Variants in NAV1 observed in about 807,000 individuals in gnomAD.
NAV1 encodes the protein pore membrane and/or filament interacting like protein 3.
A neutral mutation model predicts 175.2 loss-of-function variants in NAV1; 18 were observed. The ratio of observed to expected loss-of-function variants is 0.10; its 90% CI spans 0.07 to 0.15. The LOEUF is 0.15. NAV1 is among the 10% of genes least tolerant of loss of function. The pLI is 1.00. For missense variants in NAV1, 1,731 were observed against 2,436.6 expected, an observed-to-expected ratio of 0.71 and a Z score of 6.10; for synonymous variants, 897 against 978.7, an observed-to-expected ratio of 0.92 and a Z score of 1.56.
chr1:201,820,166 T>G, exon 30 of NAV1: 1 of 471,410 alleles, frequency 2.1e-6, no homozygotes, highest in Non-Finnish European at 3.8e-6. Context: ...ACACATTTAC[T>G]GGCCTCCTCT....
At chr1:201,790,028 T>C (rs972098632) in intron 11 of NAV1, among the ~76,000 whole-genome samples, 2 of 152,186 alleles carry the variant, frequency 1.3e-5, no homozygotes, top group African/African-American at 4.8e-5. Context: ...ACTCTGGTGA[T>C]TTTTGTTCCC....
intron 2 of NAV1, among the ~76,000 whole-genome samples, chr1:201,636,948 G>C (rs1668632637): frequency 6.6e-6 from 1 of 152,186 alleles, no homozygotes; most frequent in Non-Finnish European, 1.5e-5. Flanking sequence ...CCTGTGAAAG[G>C]CAACGTTCTC....
In NAV1 at chr1:201,539,436, C is replaced by T. The variant is rs1340320057; in HGVS notation, c.-144+94C>T. Among the ~76,000 whole-genome samples the T allele has an allele frequency of 6.6e-6, 1 of 151,938 alleles. No individual in the cohort carries two copies. The highest frequency in any genetic ancestry group is 1.5e-5 in the Non-Finnish European group (1 of 67,938). On this transcript the variant is annotated intron_variant, in intron 1 of 33. Coordinates refer to the NAV1 transcript ENST00000685211. This position sits in a 1 kb window ranked among gnomAD's most constrained non-coding sequence, Gnocchi z 5.6. The stretch of plus-strand genomic sequence containing the variant: ...GCTTGGCTGGCAGGTCCTGCGAGGC[C>T]GAGACCAAGTCTCGGGGTAGGGGAG...
At chr1:201,725,141 C>G (rs911947341) in intron 3 of NAV1, among the ~76,000 whole-genome samples, 1 of 152,194 alleles carries the variant, frequency 6.6e-6, no homozygotes, top group Non-Finnish European at 1.5e-5. Flanking sequence ...ACCCAGCCAC[C>G]CTCATCGATA....
At chr1:201,624,489 G>T (rs1053651396) in intron 1 of NAV1, among the ~76,000 whole-genome samples, 11 of 151,122 alleles carry the variant, frequency 7.3e-5, no homozygotes, top group Non-Finnish European at 2.9e-5. Context: ...GACTACAGGC[G>T]CCCACCACCA....
intron 2 of NAV1, among the ~76,000 whole-genome samples, chr1:201,600,829 T>C (rs890623866): frequency 3.9e-5 from 6 of 152,218 alleles, no homozygotes; most frequent in South Asian, 2.1e-4. Flanking sequence ...CACAATCCTC[T>C]AGCACTTGAG....
At chr1:201,727,045 C>T (rs949002563) in intron 3 of NAV1, among the ~76,000 whole-genome samples, 5 of 152,154 alleles carry the variant, frequency 3.3e-5, no homozygotes, top group African/African-American at 1.2e-4. Flanking sequence ...TGCTTGTTTC[C>T]TCAGCCGAAA....
At chr1:201,611,743 TG>T (rs1667852407) in intron 2 of NAV1, among the ~76,000 whole-genome samples, 1 of 152,166 alleles carries the variant, frequency 6.6e-6, no homozygotes, top group Non-Finnish European at 1.5e-5. Context: ...CAGGGAAGCC[TG>T]TGAGCACACT....
intron 1 of NAV1, among the ~76,000 whole-genome samples, chr1:201,578,667 T>C (rs1666760861): frequency 6.6e-6 from 1 of 152,180 alleles, no homozygotes; most frequent in African/African-American, 2.4e-5. Flanking sequence ...GTTGGGCACT[T>C]CATCATGGCC....
intron 3 of NAV1, chr1:201,724,996 G>A (rs1374945428): frequency 2.6e-5 from 4 of 152,290 alleles, no homozygotes; most frequent in African/African-American, 9.7e-5. Context: ...CAGAATCAGC[G>A]AGCTCAAGCC....
At chr1:201,650,924 C>A (rs559563275) in intron 1 of NAV1, among the ~76,000 whole-genome samples, 1 of 152,150 alleles carries the variant, frequency 6.6e-6, no homozygotes, top group Non-Finnish European at 1.5e-5. Context: ...ATGTGCCACC[C>A]GGTCCTCAGT....
intron 1 of NAV1, chr1:201,673,344 GTTCTC>G (rs1319335980): frequency 2.0e-5 from 3 of 152,196 alleles, no homozygotes; most frequent in African/African-American, 7.2e-5. Context: ...TTTCATTTCT[GTTCTC>G]TTCTCTTGGC....
rs1045893776 is a variant in NAV1, at chr1:201,649,433, C to T, written c.757+8C>T. The T allele has an allele frequency of 1.7e-5, 26 of 1,513,632 alleles. No homozygotes were observed. The highest frequency in any genetic ancestry group is 2.3e-5 in the Non-Finnish European group (26 of 1,129,640). 93.8% of individuals were successfully genotyped at this position (1,513,632 alleles called of 1,614,324 possible). A position where few individuals can be genotyped will look rare whatever the true frequency, so the allele number is the denominator to read the frequency against. ...TCTTCAGCCAGATGCTGGGTAAGTCCTGCCGCCCCGCCCCGCCCCGCCCCT... is the reference window on the plus strand; with the variant it reads ...TCTTCAGCCAGATGCTGGGTAAGTCTTGCCGCCCCGCCCCGCCCCGCCCCT... On this transcript the variant is annotated splice_region_variant and intron_variant, in intron 1 of 29. Transcript: ENST00000367296.
Position 201,787,195 on chromosome 1 carries a change from G to C in NAV1, c.2995+618G>C, listed in dbSNP as rs1021040146. 6.6e-6 allele frequency among the ~76,000 whole-genome samples: 1 copy of C among 152,164 alleles called. No individual in the cohort carries two copies. Among genetic ancestry groups the C allele is most frequent in the Non-Finnish European group, 1.5e-5 (1 of 68,040 alleles). On this transcript the variant is annotated intron_variant, in intron 9 of 29. Transcript: ENST00000367296. The surrounding 1 kb of genome is among the most constrained non-coding windows in gnomAD (Gnocchi z 4.3). ...GGAGGAGAGGAAGCATCAGGTGGAG[G>C]GTCTGGCCTAGCACAGAAGCACACC...
intron 2 of NAV1, among the ~76,000 whole-genome samples, chr1:201,716,395 G>A (rs1672141528): frequency 6.6e-6 from 1 of 152,186 alleles, no homozygotes; most frequent in Non-Finnish European, 1.5e-5. Context: ...TCTAGGCCAG[G>A]TGCCATGCAA....
At chr1:201,752,846 A>G (rs1027666021) in intron 3 of NAV1, among the ~76,000 whole-genome samples, 1 of 152,214 alleles carries the variant, frequency 6.6e-6, no homozygotes, top group African/African-American at 2.4e-5. Context: ...ACTGTTCTTT[A>G]CTGCATCTAC....
intron 2 of NAV1, among the ~76,000 whole-genome samples, chr1:201,598,648 A>C (rs528802356): frequency 6.6e-6 from 1 of 152,282 alleles, no homozygotes; most frequent in Non-Finnish European, 1.5e-5. Flanking sequence ...GACCTTGGAC[A>C]ATCTCTCACA....
chr1:201,625,515 C>T (rs1330093168), intron 1 of NAV1, among the ~76,000 whole-genome samples: 1 of 152,228 alleles, frequency 6.6e-6, no homozygotes, highest in Non-Finnish European at 1.5e-5. Flanking sequence ...TTCTGCCTGA[C>T]TGTACTGCCT....
At chr1:201,705,542 C>CAGGAGCACTCAACTACG (rs1309305388) in intron 1 of NAV1, among the ~76,000 whole-genome samples, 1 of 152,176 alleles carries the variant, frequency 6.6e-6, no homozygotes, top group Admixed American at 6.5e-5. Context: ...CCCTGGGGAG[C>CAGGAGCACTCAACTACG]AGGAGCACTC....
Sources: gnomAD v4.1 joint callset for allele counts (sites outside exome capture counted in the v4.1 genomes callset) on GRCh38, gnomAD v4.1.1 for gene constraint, Gnocchi (gnomAD v3.1) non-coding constraint, MANE v1.5 for transcripts, NCBI Gene and HGNC (gene_info 2026-07-23, HGNC 2026-07-21) for gene names.